Variants in DMD observed in about 807,000 individuals in gnomAD.
The protein encoded by DMD is mutant dystrophin.
Under a neutral mutation model 330.1 loss-of-function variants are expected in DMD, and 63 were observed. The observed-to-expected ratio is 0.19, with a 90% CI of 0.16 to 0.24. The LOEUF is 0.24. Ranked by LOEUF, DMD falls within the 10% of genes least tolerant of loss-of-function variation. The pLI, the probability that DMD is intolerant of heterozygous loss-of-function variation, is 1.00. For synonymous variants in DMD, 1,223 were observed against 959.8 expected (o/e 1.27, Z -5.07); for missense variants, 3,344 against 2,684.1 (o/e 1.25, Z -5.43).
chrX:31,944,119 G>A (rs2095050068), intron 45 of DMD, among the ~76,000 whole-genome samples: 1 of 111,724 alleles, frequency 9.0e-6, no homozygotes, highest in Non-Finnish European at 1.9e-5. Flanking sequence ...TTCCTTAAAT[G>A]TGGTCTGGGG....
rs141894778 is a variant in DMD at position 33,013,819 on chromosome X, ATG to A, written c.93+6318_93+6319del. ...ATGTTTACTGGGTGTGTGTATATGT[ATG>A]TGTGTGTGTGTGTGCGCGCACGCGC... is the stretch of plus-strand genomic sequence containing the variant. On this transcript the variant is annotated intron_variant, in intron 2 of 78. Coordinates refer to ENST00000357033, the MANE Select transcript of DMD (RefSeq NM_004006.3). 1.6e-4 allele frequency among the ~76,000 whole-genome samples: 17 copies of A among 109,180 alleles called. No individual in the cohort carries two copies. The East Asian group carries it at 1.8e-3, about 11-fold the overall frequency. 94.8% of individuals were successfully genotyped at this position (109,180 alleles called of 115,157 possible). A position where few individuals can be genotyped will look rare whatever the true frequency, so the allele number is the denominator to read the frequency against.
intron 41 of DMD, among the ~76,000 whole-genome samples, chrX:32,332,624 G>C (rs1192635833): frequency 9.9e-5 from 11 of 110,758 alleles, no homozygotes; most frequent in African/African-American, 3.6e-4. Flanking sequence ...GTCAACATAG[G>C]TGGAGCAGAG....
intron 65 of DMD, 88 bp downstream of exon 65, chrX:31,209,410 C>T: frequency 3.3e-6 from 3 of 904,008 alleles, no homozygotes; most frequent in Non-Finnish European, 4.9e-6. Flanking sequence ...GCTTCCAGGG[C>T]CCTGTTGTAA....
At chrX:32,715,073 T>G (rs1220934092) in intron 7 of DMD, among the ~76,000 whole-genome samples, 1 of 111,671 alleles carries the variant, frequency 9.0e-6, no homozygotes, top group East Asian at 2.8e-4. Context: ...TTTGCTACTT[T>G]ATAGACTTTG....
At chrX:31,239,712 T>A (rs1433353368) in intron 63 of DMD, among the ~76,000 whole-genome samples, 1 of 111,979 alleles carries the variant, frequency 8.9e-6, no homozygotes, top group East Asian at 2.8e-4. Context: ...AGGGTCTAAT[T>A]TTCCCCTGTT....
At position 32,595,806 on chromosome X, in the gene DMD, T is replaced by A; in HGVS notation, c.1553A>T (p.Asp518Val). ...NSLTHMVVVV[D>V]ESSGDHATAA... Reference sequence around the variant, plus strand: ...AGTTGCGTGATCTCCACTAGATTCATCAACTACCACCACCATGTGAGTGAG... The same window carrying A: ...AGTTGCGTGATCTCCACTAGATTCAACAACTACCACCACCATGTGAGTGAG... Residue 518 changes from aspartate to valine, a missense_variant, in exon 13 of 79, where the codon GAT becomes GTT. Coordinates refer to ENST00000357033, the MANE Select transcript of DMD (RefSeq NM_004006.3). 8.3e-7 allele frequency: 1 copy of A among 1,207,027 alleles called. No homozygotes were observed. The highest frequency in any genetic ancestry group is 1.1e-6 in the Non-Finnish European group (1 of 890,934).
chrX:32,110,874 T>C (rs1603626011), intron 44 of DMD, among the ~76,000 whole-genome samples: 2 of 111,995 alleles, frequency 1.8e-5, no homozygotes, highest in African/African-American at 3.2e-5. Flanking sequence ...AGGCAGATGG[T>C]ACTGTGTCAG....
At chrX:32,974,782 A>G (rs975817398) in intron 2 of DMD, among the ~76,000 whole-genome samples, 10 of 111,813 alleles carry the variant, frequency 8.9e-5, no homozygotes, top group Non-Finnish European at 1.3e-4. Context: ...AGGCTGTGAA[A>G]TAGTTCTTCT....
chrX:32,811,585 A>G (rs1417418859), intron 6 of DMD, among the ~76,000 whole-genome samples: 1 of 111,919 alleles, frequency 8.9e-6, no homozygotes, highest in African/African-American at 3.2e-5. Context: ...TTTATCAACT[A>G]CACGAGAGAA....
chrX:32,613,486 A>G (rs1401560235), intron 12 of DMD, among the ~76,000 whole-genome samples: 1 of 111,323 alleles, frequency 9.0e-6, no homozygotes, highest in Non-Finnish European at 1.9e-5. Flanking sequence ...CTGGAAATGT[A>G]CAAGTAAACT....
At chrX:31,952,742 G>A (rs2095199781) in intron 45 of DMD, among the ~76,000 whole-genome samples, 1 of 111,950 alleles carries the variant, frequency 8.9e-6, no homozygotes, top group Non-Finnish European at 1.9e-5. Flanking sequence ...TTCCCCATGA[G>A]AATGGGTCAC....
rs762515916 is a variant in DMD at position 33,181,818 on chromosome X, G to GAA, written c.31+29462_31+29463dup. ...TACTATGTGAAAGTCATTAAAAAAA[G>GAA]AAAACCTCTCAGCAGATTAGCTTCC... On this transcript the variant is annotated intron_variant, in intron 1 of 78. Coordinates refer to ENST00000357033, the MANE Select transcript of DMD (RefSeq NM_004006.3). Among the ~76,000 whole-genome samples the GAA allele has an allele frequency of 7.3e-4, 82 of 111,756 alleles. No homozygotes were observed. The East Asian group carries it at 0.014, about 20-fold the overall frequency.
At chrX:32,842,702 T>C (rs2080277620) in intron 4 of DMD, among the ~76,000 whole-genome samples, 1 of 112,165 alleles carries the variant, frequency 8.9e-6, no homozygotes, top group Non-Finnish European at 1.9e-5. Context: ...GTTAGTTTAC[T>C]TAGGATAATG....
At chrX:31,148,502 C>A (rs762463109) in intron 74 of DMD, among the ~76,000 whole-genome samples, 8 of 112,455 alleles carry the variant, frequency 7.1e-5, no homozygotes, top group African/African-American at 2.6e-4. Context: ...AACAATGATA[C>A]AATGAAATTC....
At chrX:33,143,850 C>T (rs1325741575) in intron 1 of DMD, among the ~76,000 whole-genome samples, 2 of 111,001 alleles carry the variant, frequency 1.8e-5, no homozygotes, top group African/African-American at 3.3e-5. Context: ...GAAATCAACA[C>T]CGATAATACA....
At chrX:32,164,420 G>T (rs982775754) in intron 44 of DMD, among the ~76,000 whole-genome samples, 1 of 111,323 alleles carries the variant, frequency 9.0e-6, no homozygotes, top group African/African-American at 3.3e-5. Context: ...ATTGGTAACT[G>T]GAGTAAAGGT....
chrX:32,581,936 AAAG>A (rs1355917606), intron 13 of DMD, among the ~76,000 whole-genome samples: 1 of 112,110 alleles, frequency 8.9e-6, no homozygotes, highest in African/African-American at 3.2e-5. Flanking sequence ...ATAGCAGAAT[AAAG>A]AAGAAAAATA....
At chrX:32,714,033 C>CA (rs1248081492) in intron 7 of DMD, among the ~76,000 whole-genome samples, 2 of 111,716 alleles carry the variant, frequency 1.8e-5, no homozygotes, top group Admixed American at 9.5e-5. Context: ...ACAGTAGTGA[C>CA]AGTGAAAAAT....
chrX:32,845,242 CT>C (rs1473262502), intron 3 of DMD, among the ~76,000 whole-genome samples: 1 of 111,771 alleles, frequency 8.9e-6, no homozygotes, highest in African/African-American at 3.3e-5. Context: ...GGAGATTTGA[CT>C]CTAGCAAAAT....
Sources: gnomAD v4.1 joint callset for allele counts (sites outside exome capture counted in the v4.1 genomes callset) on GRCh38, gnomAD v4.1.1 for gene constraint, MANE v1.5 for transcripts, NCBI Gene and HGNC (gene_info 2026-07-23, HGNC 2026-07-21) for gene names.